SAMD9L: variants seen among roughly 807,000 people sequenced by gnomAD.
The protein encoded by SAMD9L is sterile alpha motif domain-containing protein 9-like.
In SAMD9L, 68 loss-of-function variants were observed where a neutral mutation model predicts 90.7. The observed-to-expected ratio is 0.75, with a 90% CI of 0.62 to 0.92. The LOEUF is 0.92. Ranked by LOEUF, SAMD9L falls within the 40% of genes least tolerant of loss-of-function variation. The probability of loss-of-function intolerance (pLI) is 0.00; values close to 1 mark genes in which losing one functional copy is unlikely to be tolerated. For synonymous variants in SAMD9L, 640 were observed against 630.1 expected (o/e 1.02, Z -0.23); for missense variants, 1,604 against 1,824.3 (o/e 0.88, Z 2.20).
In SAMD9L at chr7:93,144,267, C is replaced by T. The variant is rs59374507; in HGVS notation, c.-21+465G>A. 6.0e-3 allele frequency among the ~76,000 whole-genome samples: 921 copies of T among 152,272 alleles called. 12 individuals are homozygous for T. The highest frequency in any genetic ancestry group is 0.021 in the African/African-American group (868 of 41,538). On this transcript the variant is annotated intron_variant, in intron 4 of 4. Transcript: ENST00000318238. ...AAACACAGAGTTCTCTTTATTTGTACACTGGGCCCTCCCTATCAGTGGGTA... is the reference window on the plus strand; with the variant it reads ...AAACACAGAGTTCTCTTTATTTGTATACTGGGCCCTCCCTATCAGTGGGTA...
Position 93,135,749 on chromosome 7 carries a change from A to G in SAMD9L, c.223T>C (p.Leu75=). The change falls in exon 5 of 5, where the codon TTG becomes CTG. Residue 75 remains leucine, a synonymous_variant. Transcript: ENST00000318238. The part of the protein sequence containing the change: ...ALLIKRSYNK[L]NSKSPESDNH... ...TCACTTTCAGGGGACTTACTATTCA[A>G]TTTGTTGTATGAACGTTTTATCAAA... 1 of 1,613,898 alleles carries G rather than the reference A, an allele frequency of 6.2e-7. No individual in the cohort carries two copies. The highest frequency in any genetic ancestry group is 8.5e-7 in the Non-Finnish European group (1 of 1,179,962).
chr7:93,131,061 A>G lies in SAMD9L; in HGVS notation c.*156T>C, dbSNP rs1792064806. On this transcript the variant is annotated 3_prime_UTR_variant, in exon 5 of 5. Transcript: ENST00000318238. ...AGCTCTGCGGGTAGGCATATTTCAT[A>G]TCTTAAAAAGGCTTGTAATTCATTC... 2 of 519,486 alleles carry G rather than the reference A, an allele frequency of 3.8e-6. No homozygotes were observed. Among genetic ancestry groups the G allele is most frequent in the Non-Finnish European group, 6.7e-6 (2 of 299,384 alleles). The allele number at this position is 519,486 out of a possible 1,614,324, so 32.2% of individuals were successfully genotyped here.
rs755114970 is a variant in SAMD9L at position 93,132,832 on chromosome 7, T to C, written c.3140A>G (p.Tyr1047Cys). Residue 1047 changes from tyrosine to cysteine, a missense_variant, in exon 5 of 5, where the codon TAT becomes TGT. Physicochemically the swap from Tyr to Cys is radical, Grantham distance 194. Coordinates refer to ENST00000318238, the MANE Select transcript of SAMD9L (RefSeq NM_152703.5). ...TLLLTRQRKV[Y>C]GDETDTLFSP... The stretch of plus-strand genomic sequence containing the variant: ...AAACAGAGTGTCTGTTTCATCTCCA[T>C]ACACCTTGCGCTGTCTTGTAAGCAG... 1.2e-6 allele frequency: 2 copies of C among 1,613,844 alleles called. No individual in the cohort carries two copies. Among genetic ancestry groups the C allele is most frequent in the Admixed American group, 1.7e-5 (1 of 59,958 alleles).
intron 4 of SAMD9L, among the ~76,000 whole-genome samples, chr7:93,142,890 C>T (rs1792747129): frequency 6.6e-6 from 1 of 152,178 alleles, no homozygotes; most frequent in Non-Finnish European, 1.5e-5. Flanking sequence ...TTGGGTCACC[C>T]CAAATACTAT....
At chr7:93,146,259 A>G (rs1197244580) in intron 2 of SAMD9L, among the ~76,000 whole-genome samples, 4 of 152,148 alleles carry the variant, frequency 2.6e-5, no homozygotes, top group Non-Finnish European at 5.9e-5. Flanking sequence ...CCTTCCTGGA[A>G]TGTCCCTGGA....
At chr7:93,147,952 C>T (rs1792956441) in intron 1 of SAMD9L, among the ~76,000 whole-genome samples, 1 of 152,146 alleles carries the variant, frequency 6.6e-6, no homozygotes, top group South Asian at 2.1e-4. Context: ...CAGAAACCCT[C>T]CCACTATCCT....
chr7:93,141,566 G>A (rs1792691150), intron 4 of SAMD9L, among the ~76,000 whole-genome samples: 1 of 152,126 alleles, frequency 6.6e-6, no homozygotes, highest in African/African-American at 2.4e-5. Flanking sequence ...AACCTTGGCA[G>A]CATTTTTTAC....
In SAMD9L at chr7:93,134,426, A is replaced by T; in HGVS notation, c.1546T>A (p.Leu516Ile). Reference protein sequence around the residue: ...SETYKPLEPHLWQRERASEVR... With the variant: ...SETYKPLEPHIWQRERASEVR... Reference sequence around the variant, plus strand: ...TCTGAAGCTCTTTCTCTCTGCCATAAATGTGGTTCTAGAGGTTTATATGTC... The same window carrying T: ...TCTGAAGCTCTTTCTCTCTGCCATATATGTGGTTCTAGAGGTTTATATGTC... Residue 516 changes from leucine to isoleucine, a missense_variant, in exon 5 of 5, where the codon TTA becomes ATA. Around this residue, in one of 7 missense-constraint regions of SAMD9L, gnomAD observed 606 missense variants for 717.6 expected, o/e 0.84. Coordinates refer to ENST00000318238, the MANE Select transcript of SAMD9L (RefSeq NM_152703.5). 1 of 1,613,860 alleles carries T rather than the reference A, an allele frequency of 6.2e-7. No homozygotes were observed. Among genetic ancestry groups the T allele is most frequent in the Non-Finnish European group, 8.5e-7 (1 of 1,179,868 alleles).
chr7:93,131,050 G>A lies in SAMD9L; in HGVS notation c.*167C>T, dbSNP rs2116465803. On this transcript the variant is annotated 3_prime_UTR_variant, in exon 5 of 5. Transcript: ENST00000318238. ...ACTTTGTGCCAAGCTCTGCGGGTAG[G>A]CATATTTCATATCTTAAAAAGGCTT... 1 of 506,092 alleles carries A rather than the reference G, an allele frequency of 2.0e-6. No homozygotes were observed. The allele number at this position is 506,092 out of a possible 1,614,324, so 31.4% of individuals were successfully genotyped here.
intron 4 of SAMD9L, among the ~76,000 whole-genome samples, chr7:93,142,265 C>A (rs186716238): frequency 4.6e-5 from 7 of 152,260 alleles, no homozygotes; most frequent in Admixed American, 6.5e-5. Context: ...GTGTCAGCAA[C>A]TGGAATATAA....
rs139201196 is a variant in SAMD9L, at chr7:93,131,589, T to G, written c.4383A>C (p.Gly1461=). 6.8e-5 allele frequency: 110 copies of G among 1,613,918 alleles called. 1 individual carries two copies. In the African/African-American group the frequency reaches 1.3e-3, roughly 20 times the overall value. ...YVSSLNRSFR[G]QYKRMCRSKQ... ...TGGACCTGCACATGCGCTTGTACTG[T>G]CCCCTGAAGGATCTATTTAAGGATG... The change falls in exon 5 of 5, where the codon GGA becomes GGC. Residue 1461 remains glycine, a synonymous_variant. Transcript: ENST00000318238.
intron 4 of SAMD9L, among the ~76,000 whole-genome samples, chr7:93,143,206 G>A (rs931218930): frequency 1.9e-4 from 29 of 152,022 alleles, no homozygotes; most frequent in African/African-American, 6.0e-4. Flanking sequence ...CTCAAGCCTC[G>A]AGTCTTTTTA....
Position 93,132,046 on chromosome 7 carries a change from T to C in SAMD9L, c.3926A>G (p.His1309Arg). 1.2e-6 allele frequency: 2 copies of C among 1,613,644 alleles called. No individual in the cohort carries two copies. The highest frequency in any genetic ancestry group is 1.7e-6 in the Non-Finnish European group (2 of 1,179,764). ...ACTTTGTAATAGACATGGATCCAAA[T>C]GACAGAAAAGTTCTGTGTATTTCCT... is the stretch of plus-strand genomic sequence containing the variant. ...CFRKYTELFC[H>R]LDPCLLQSKE... The change falls in exon 5 of 5, where the codon CAT (histidine) becomes CGT (arginine). Residue 1309 changes from histidine to arginine, a missense_variant. This residue lies in a region of SAMD9L where 282 missense variants were observed against 329.6 expected (regional missense o/e 0.86). Coordinates refer to ENST00000318238, the MANE Select transcript of SAMD9L (RefSeq NM_152703.5).
chr7:93,132,498 T>C lies in SAMD9L; in HGVS notation c.3474A>G (p.Lys1158=). 6.2e-7 allele frequency: 1 copy of C among 1,613,792 alleles called. No homozygotes were observed. The highest frequency in any genetic ancestry group is 8.5e-7 in the Non-Finnish European group (1 of 1,179,752). Residue 1158 remains lysine, a synonymous_variant, in exon 5 of 5, where the codon AAA becomes AAG. Coordinates refer to ENST00000318238, the MANE Select transcript of SAMD9L (RefSeq NM_152703.5). The stretch of plus-strand genomic sequence containing the variant: ...GGGATTCTTTGAAAGCTCTTGAGGC[T>C]TTTTCCGCAGCTTCTAGGAGATGTG... ...DLTHLLEAAE[K]ASRAFKESQR...
At chr7:93,144,600 G>A (rs1166360187) in intron 4 of SAMD9L, 132 bp downstream of exon 4, 1 of 152,110 alleles carries the variant, frequency 6.6e-6, no homozygotes. Flanking sequence ...TAAATTTTAG[G>A]ATCTACTGCC....
chr7:93,133,578 C>T lies in SAMD9L; in HGVS notation c.2394G>A (p.Val798=), dbSNP rs1349101085. ...RAKSHQDYIP[V]LLLVDDFEEQ... ...CTTCAAAATCATCCACAAGGAGAAG[C>T]ACAGGAATGTAATCCTGATGGCTCT... The change falls in exon 5 of 5, where the codon GTG becomes GTA. Residue 798 remains valine (V), a synonymous_variant. Coordinates refer to ENST00000318238, the MANE Select transcript of SAMD9L (RefSeq NM_152703.5). The T allele has an allele frequency of 6.2e-7, 1 of 1,613,822 alleles. No homozygotes were observed.
rs1792409697 is a variant in SAMD9L, at chr7:93,135,651, G to C, written c.321C>G (p.Thr107=). ...ACATTGAATTTTCTTCTTCCTTTTTGGTGTGTTTTGGATTTTTCTGGTGTT... is the reference window on the plus strand; with the variant it reads ...ACATTGAATTTTCTTCTTCCTTTTTCGTGTGTTTTGGATTTTTCTGGTGTT... The part of the protein sequence containing the change: ...KTEHQKNPKH[T]KKEEENSMSS... The change falls in exon 5 of 5, where the codon ACC becomes ACG. Residue 107 remains threonine (T), a synonymous_variant. Transcript: ENST00000318238. 1.2e-6 allele frequency: 2 copies of C among 1,613,644 alleles called. No individual in the cohort carries two copies. Among genetic ancestry groups the C allele is most frequent in the African/African-American group, 1.3e-5 (1 of 74,854 alleles).
At chr7:93,140,838 T>G (rs80151264) in intron 4 of SAMD9L, among the ~76,000 whole-genome samples, 1,710 of 152,352 alleles carry the variant, frequency 0.011, 27 homozygotes, top group African/African-American at 0.039. Flanking sequence ...CCCCACTCTA[T>G]TTGGCTTCTT....
Position 93,131,432 on chromosome 7 carries a change from T to TC in SAMD9L, c.4539dup (p.Lys1514GlufsTer4). 6.2e-7 allele frequency: 1 copy of TC among 1,613,794 alleles called. No individual in the cohort carries two copies. Among genetic ancestry groups the TC allele is most frequent in the Non-Finnish European group, 8.5e-7 (1 of 1,179,844 alleles). On this transcript the variant is annotated frameshift_variant, in exon 5 of 5. Transcript: ENST00000318238. LOFTEE classifies it high-confidence loss of function. The stretch of plus-strand genomic sequence containing the variant: ...AGGAGGTCTTTGACTTCATTTTTTT[T>TC]CCACACATCCCCACTGTGCCAGAGG...
Sources: gnomAD v4.1 joint callset for allele counts (sites outside exome capture counted in the v4.1 genomes callset) on GRCh38, gnomAD v4.1.1 for gene constraint, gnomAD v4.1.1 regional missense constraint, MANE v1.5 for transcripts, NCBI Gene and HGNC (gene_info 2026-07-23, HGNC 2026-07-21) for gene names.